Variants in WWC2 observed in about 807,000 individuals in gnomAD.
The protein encoded by WWC2 is WW and C2 domain containing 2.
Under a neutral mutation model 138.5 loss-of-function variants are expected in WWC2, and 101 were observed. That is an observed-to-expected ratio of 0.73 (90% CI 0.62 to 0.86). The LOEUF is 0.86. Ranked by LOEUF, WWC2 falls within the 40% of genes least tolerant of loss-of-function variation. The pLI is 0.00. For missense variants in WWC2, 1,420 were observed against 1,419.4 expected (o/e 1.00, Z -0.01); for synonymous variants, 558 against 538.4 (o/e 1.04, Z -0.50).
chr4:183,213,220 GT>G (rs1735659081), intron 4 of WWC2, among the ~76,000 whole-genome samples: 2 of 152,346 alleles, frequency 1.3e-5, no homozygotes, highest in East Asian at 3.9e-4. Flanking sequence ...TGGTATCTGT[GT>G]CCGTTTTGAC....
chr4:183,229,311 TAGTG>T (rs1281443402), intron 4 of WWC2, among the ~76,000 whole-genome samples: 7 of 152,230 alleles, frequency 4.6e-5, no homozygotes, highest in Non-Finnish European at 8.8e-5. Context: ...TTGCTAAAAT[TAGTG>T]AGTAAAACTT....
intron 9 of WWC2, among the ~76,000 whole-genome samples, chr4:183,255,891 T>A (rs957891513): frequency 6.6e-6 from 1 of 151,364 alleles, no homozygotes. Context: ...TTTTTTTTTT[T>A]AACGAACAGC....
At position 183,105,707 on chromosome 4, in the gene WWC2, A is replaced by G. The variant is rs564422603; in HGVS notation, c.131+6085A>G. ...AGATGCAGACCATCCTGGCTAACAC[A>G]GTGAAACCCTGTCTCTACTAAAAAT... On this transcript the variant is annotated intron_variant, in intron 1 of 22. Transcript: ENST00000403733. Among the ~76,000 whole-genome samples the G allele has an allele frequency of 1.4e-4, 21 of 152,214 alleles. No individual in the cohort carries two copies. In the South Asian group the frequency reaches 3.1e-3, roughly 23 times the overall value.
intron 1 of WWC2, among the ~76,000 whole-genome samples, chr4:183,123,554 C>T (rs183699787): frequency 1.3e-5 from 2 of 152,190 alleles, no homozygotes; most frequent in African/African-American, 4.8e-5. Context: ...TAGTGGTTTT[C>T]TGTGGGGAAG....
intron 1 of WWC2, among the ~76,000 whole-genome samples, chr4:183,178,154 A>G (rs1580015491): frequency 6.6e-6 from 1 of 152,336 alleles, no homozygotes; most frequent in Middle Eastern, 3.4e-3. Flanking sequence ...ATATACTGAA[A>G]TAACACCAAC....
intron 4 of WWC2, among the ~76,000 whole-genome samples, chr4:183,209,900 C>T (rs1026846438): frequency 2.0e-5 from 3 of 152,174 alleles, no homozygotes; most frequent in African/African-American, 7.2e-5. Context: ...CGTGATTTCT[C>T]CTCATTAGTT....
intron 1 of WWC2, among the ~76,000 whole-genome samples, chr4:183,190,347 T>G (rs751335996): frequency 8.5e-5 from 13 of 152,216 alleles, no homozygotes; most frequent in South Asian, 2.1e-4. Context: ...TTAATTTATA[T>G]TGTTTGTAAT....
intron 1 of WWC2, among the ~76,000 whole-genome samples, chr4:183,146,614 C>T (rs1009783630): frequency 6.6e-6 from 1 of 152,166 alleles, no homozygotes; most frequent in Admixed American, 6.5e-5. Context: ...TGAGTGTGCA[C>T]AGGCTGGCCT....
chr4:183,140,141 G>A (rs1317384892), intron 1 of WWC2, among the ~76,000 whole-genome samples: 3 of 152,162 alleles, frequency 2.0e-5, no homozygotes, highest in Non-Finnish European at 2.9e-5. Flanking sequence ...CTGCTGCATC[G>A]CTGGTATGTA....
At chr4:183,200,072 T>C (rs540368294) in intron 2 of WWC2, among the ~76,000 whole-genome samples, 1 of 152,334 alleles carries the variant, frequency 6.6e-6, no homozygotes, top group East Asian at 1.9e-4. Context: ...AGTTCATATT[T>C]GAATTGTGCA....
chr4:183,109,564 G>T (rs1174984712), intron 1 of WWC2, among the ~76,000 whole-genome samples: 1 of 152,148 alleles, frequency 6.6e-6, no homozygotes, highest in Non-Finnish European at 1.5e-5. Flanking sequence ...GCACAGCCTG[G>T]ATCCCTCACA....
chr4:183,188,139 A>C (rs1200693261), intron 1 of WWC2, among the ~76,000 whole-genome samples: 1 of 152,188 alleles, frequency 6.6e-6, no homozygotes, highest in African/African-American at 2.4e-5. Flanking sequence ...AGAACGGGGG[A>C]GTGAGGCTAG....
chr4:183,297,584 A>T (rs563713007), intron 21 of WWC2, among the ~76,000 whole-genome samples: 1 of 151,116 alleles, frequency 6.6e-6, no homozygotes, highest in Non-Finnish European at 1.5e-5. Flanking sequence ...TAATTTTTTT[A>T]TATTTAGTAG....
chr4:183,266,749 G>C (rs1176641901), intron 14 of WWC2, among the ~76,000 whole-genome samples: 1 of 152,194 alleles, frequency 6.6e-6, no homozygotes, highest in East Asian at 1.9e-4. Context: ...TTTTGAATAT[G>C]CAGTGCAAGG....
intron 11 of WWC2, among the ~76,000 whole-genome samples, chr4:183,262,169 TTTTG>T (rs551222694): frequency 1.3e-3 from 200 of 152,372 alleles, no homozygotes; most frequent in Non-Finnish European, 2.5e-3. Context: ...AATATCATTT[TTTTG>T]TTTGTTTGTT....
In WWC2 at chr4:183,320,289, T is replaced by C; in HGVS notation, c.*4560T>C. 7.3e-7 allele frequency: 1 copy of C among 1,361,758 alleles called. No homozygotes were observed. Among genetic ancestry groups the C allele is most frequent in the Non-Finnish European group, 1.0e-6 (1 of 983,816 alleles). The allele number at this position is 1,361,758 out of a possible 1,614,324, so 84.4% of individuals were successfully genotyped here. On this transcript the variant is annotated 3_prime_UTR_variant, in exon 23 of 23. Transcript: ENST00000403733. ...TTGCTGTGAAAAGAAGTGTGACACT[T>C]GTGTTATAACTTATGAAACTCAGAA... is the stretch of plus-strand genomic sequence containing the variant.
At chr4:183,186,214 G>C (rs1734796850) in intron 1 of WWC2, among the ~76,000 whole-genome samples, 1 of 152,180 alleles carries the variant, frequency 6.6e-6, no homozygotes, top group African/African-American at 2.4e-5. Flanking sequence ...AAAGTGCTGG[G>C]ATTATAGGCG....
At chr4:183,117,949 T>C (rs1184262073) in intron 1 of WWC2, among the ~76,000 whole-genome samples, 4 of 150,822 alleles carry the variant, frequency 2.7e-5, no homozygotes, top group South Asian at 4.3e-4. Flanking sequence ...TATAGGCTCG[T>C]GCCACCATGC....
At chr4:183,230,547 C>T (rs758163820) in intron 4 of WWC2, among the ~76,000 whole-genome samples, 17 of 152,148 alleles carry the variant, frequency 1.1e-4, no homozygotes, top group Non-Finnish European at 2.5e-4. Context: ...CGCAGTGGCG[C>T]ACGCCTGTAA....
Sources: allele counts gnomAD v4.1 joint callset (sites outside exome capture counted in the v4.1 genomes callset), GRCh38; gene constraint gnomAD v4.1.1; transcripts MANE v1.5; gene names NCBI Gene and HGNC (gene_info 2026-07-23, HGNC 2026-07-21).